Variants in DOCK5 observed in about 807,000 individuals in gnomAD.
DOCK5 encodes the protein dedicator of cytokinesis 5.
A neutral mutation model predicts 251.8 loss-of-function variants in DOCK5; 142 were observed. The observed-to-expected ratio is 0.56, with a 90% confidence interval of 0.49 to 0.65. The LOEUF is 0.65. Among genes scored for constraint, DOCK5 ranks in the 30% least tolerant of loss-of-function variants. DOCK5 has a pLI of 0.00. For synonymous variants in DOCK5, 842 were observed against 835.5 expected (o/e 1.01, Z -0.13); for missense variants, 2,111 against 2,312.3 (o/e 0.91, Z 1.79).
chr8:25,404,564 G>A (rs1029830328), intron 48 of DOCK5, among the ~76,000 whole-genome samples: 1 of 152,124 alleles, frequency 6.6e-6, no homozygotes, highest in Non-Finnish European at 1.5e-5. Flanking sequence ...ACATTTTGGA[G>A]CATTTTGGAT....
In DOCK5 at chr8:25,321,016, A is replaced by G. The variant is rs763441869; in HGVS notation, c.1579A>G (p.Ile527Val). The change falls in exon 16 of 52, where the codon ATA (isoleucine) becomes GTA (valine). Residue 527 changes from isoleucine (I) to valine (V), a missense_variant. Around this residue, in one of 3 missense-constraint regions of DOCK5, gnomAD observed 1,717 missense variants for 1,892.4 expected, o/e 0.91. Coordinates refer to ENST00000276440, the MANE Select transcript of DOCK5 (RefSeq NM_024940.8). ...TATAGAAGAAGTCACACGCTGTCAT[A>G]TAAGATTTACCTTCCGACACAGGTC... is the stretch of plus-strand genomic sequence containing the variant. ...IAIEEVTRCH[I>V]RFTFRHRSSQ... is the part of the protein sequence containing the mutation. 8.1e-6 allele frequency: 13 copies of G among 1,613,568 alleles called. No homozygotes were observed. The highest frequency in any genetic ancestry group is 8.0e-5 in the African/African-American group (6 of 74,952).
In DOCK5 at chr8:25,243,688, A is replaced by G; in HGVS notation, c.58A>G (p.Asn20Asp). 6.2e-7 allele frequency: 1 copy of G among 1,613,462 alleles called. No individual in the cohort carries two copies. Among genetic ancestry groups the G allele is most frequent in the Non-Finnish European group, 8.5e-7 (1 of 1,179,594 alleles). ...CTCATTTCCAGCGATCTATAACTAC[A>G]ATGCTTCTCAAGATGTGGAGCTCTC... is the stretch of plus-strand genomic sequence containing the variant. ...QKYGVAIYNY[N>D]ASQDVELSLQ... The change falls in exon 2 of 52, where the codon AAT (asparagine) becomes GAT (aspartate). Residue 20 changes from asparagine (N) to aspartate (D), a missense_variant. This residue lies in a region of DOCK5 where 335 missense variants were observed against 324.9 expected (regional missense o/e 1.03). Transcript: ENST00000276440.
chr8:25,381,730 C>G (rs1801071215), intron 39 of DOCK5, among the ~76,000 whole-genome samples: 1 of 152,168 alleles, frequency 6.6e-6, no homozygotes, highest in African/African-American at 2.4e-5. Context: ...AGACCATCAC[C>G]TAGATAGAAG....
At chr8:25,226,815 G>C (rs1457518425) in intron 1 of DOCK5, among the ~76,000 whole-genome samples, 1 of 152,000 alleles carries the variant, frequency 6.6e-6, no homozygotes, top group Non-Finnish European at 1.5e-5. Context: ...TCGATCTCCT[G>C]ACTTCGTGAT....
At chr8:25,354,655 A>G (rs937682489) in intron 27 of DOCK5, among the ~76,000 whole-genome samples, 4 of 152,210 alleles carry the variant, frequency 2.6e-5, no homozygotes, top group Admixed American at 6.5e-5. Flanking sequence ...TGAGGGGAAA[A>G]TGTACAGACA....
At chr8:25,246,744 G>T (rs1350283609) in intron 2 of DOCK5, among the ~76,000 whole-genome samples, 1 of 143,682 alleles carries the variant, frequency 7.0e-6, no homozygotes, top group Admixed American at 6.8e-5. Context: ...GTGTGTGTGT[G>T]TGTGTGTGTG....
chr8:25,371,416 T>C (rs4300012), intron 34 of DOCK5, among the ~76,000 whole-genome samples: 70,249 of 151,890 alleles, frequency 0.46, 16,483 homozygotes, highest in Middle Eastern at 0.54. Context: ...TGCAGTGAAC[T>C]GAGATTGCAC....
intron 45 of DOCK5, 101 bp from the exon 46 acceptor site, chr8:25,399,810 A>G (rs974280991): frequency 2.1e-5 from 17 of 815,930 alleles, no homozygotes; most frequent in Non-Finnish European, 3.2e-5. Context: ...TTAGTTAGAC[A>G]CATCTGGTTC....
At chr8:25,214,985 T>A (rs1802203575) in intron 1 of DOCK5, among the ~76,000 whole-genome samples, 1 of 152,216 alleles carries the variant, frequency 6.6e-6, no homozygotes, top group South Asian at 2.1e-4. Context: ...CCTATACTGC[T>A]GGCTGGACAT....
intron 46 of DOCK5, 81 bp from the exon 47 acceptor site, chr8:25,400,848 C>A: frequency 6.6e-7 from 1 of 1,522,622 alleles, no homozygotes; most frequent in Non-Finnish European, 9.0e-7. Flanking sequence ...CCTTTCCACC[C>A]CATCCCTCCC....
chr8:25,373,907 G>C lies in DOCK5; in HGVS notation c.3725+249G>C, dbSNP rs565563003. Among the ~76,000 whole-genome samples, 83 of 152,310 alleles carry C rather than the reference G, an allele frequency of 5.4e-4. 2 individuals carry two copies. In the South Asian group the frequency reaches 0.017, roughly 30 times the overall value. ...GAAGGATAGACAACTTCTGGCCTGG[G>C]TGGGCAGGAGAGGCTGTACAGGAAG... On this transcript the variant is annotated intron_variant, in intron 36 of 51. Transcript: ENST00000276440.
At chr8:25,318,441 T>TC (rs1805322082) in intron 14 of DOCK5, among the ~76,000 whole-genome samples, 2 of 151,628 alleles carry the variant, frequency 1.3e-5, no homozygotes, top group South Asian at 4.2e-4. Flanking sequence ...TCTTTTTTTT[T>TC]CTCTGTCTTT....
chr8:25,356,080 G>C (rs1203110282), intron 27 of DOCK5, among the ~76,000 whole-genome samples: 1 of 150,338 alleles, frequency 6.7e-6, no homozygotes. Context: ...CATGGCTGTA[G>C]TCCGAGCTAT....
At chr8:25,410,939 A>ATGTGTGTGTGTGTGTG (rs763758410) in intron 51 of DOCK5, among the ~76,000 whole-genome samples, 19 of 102,140 alleles carry the variant, frequency 1.9e-4, no homozygotes, top group African/African-American at 6.2e-4. Context: ...GAGAGAGAAA[A>ATGTGTGTGTGTGTGTG]TGTGTGTGTG....
intron 34 of DOCK5, among the ~76,000 whole-genome samples, chr8:25,370,506 T>C (rs2960176): frequency 0.51 from 76,807 of 151,640 alleles, 19,505 homozygotes; most frequent in East Asian, 0.59. Context: ...CAATTTGTTT[T>C]TGGTGTTTGT....
chr8:25,377,701 A>G, intron 38 of DOCK5, among the ~76,000 whole-genome samples: 1 of 152,130 alleles, frequency 6.6e-6, no homozygotes, highest in East Asian at 1.9e-4. Flanking sequence ...GTGAAGTGCT[A>G]TATTTAACCA....
chr8:25,371,078 G>A (rs1369762616), intron 34 of DOCK5, among the ~76,000 whole-genome samples: 1 of 152,166 alleles, frequency 6.6e-6, no homozygotes, highest in Admixed American at 6.5e-5. Flanking sequence ...GCTTGCCTCA[G>A]TCACTTAGTT....
At position 25,184,930 on chromosome 8, in the gene DOCK5, A is replaced by G; in HGVS notation, c.22A>G (p.Lys8Glu). ...CGCCATGGCCCGCTGGATCCCGACCAAGAGGCAGAAGTACGGGGTTGGTGA... is the reference window on the plus strand; with the variant it reads ...CGCCATGGCCCGCTGGATCCCGACCGAGAGGCAGAAGTACGGGGTTGGTGA... Reference protein sequence around the residue: MARWIPTKRQKYGVAIYN... With the variant: MARWIPTERQKYGVAIYN... The change falls in exon 1 of 52, where the codon AAG (lysine) becomes GAG (glutamate). Residue 8 changes from lysine to glutamate, a missense_variant. Lys to Glu is a moderately conservative substitution (Grantham distance 56). This residue lies in a region of DOCK5 where 335 missense variants were observed against 324.9 expected (regional missense o/e 1.03). Coordinates refer to ENST00000276440, the MANE Select transcript of DOCK5 (RefSeq NM_024940.8). The G allele has an allele frequency of 6.9e-7, 1 of 1,442,024 alleles. No individual in the cohort carries two copies. Among genetic ancestry groups the G allele is most frequent in the Non-Finnish European group, 9.2e-7 (1 of 1,088,182 alleles). 89.3% of individuals were successfully genotyped at this position (1,442,024 alleles called of 1,614,324 possible).
At chr8:25,284,514 A>G (rs1309116061) in intron 5 of DOCK5, among the ~76,000 whole-genome samples, 1 of 152,198 alleles carries the variant, frequency 6.6e-6, no homozygotes, top group Non-Finnish European at 1.5e-5. Context: ...CCAGCCCCGT[A>G]GTAACTTAAC....
Sources: gnomAD v4.1 joint callset for allele counts (sites outside exome capture counted in the v4.1 genomes callset) on GRCh38, gnomAD v4.1.1 for gene constraint, gnomAD v4.1.1 regional missense constraint, MANE v1.5 for transcripts, NCBI Gene and HGNC (gene_info 2026-07-23, HGNC 2026-07-21) for gene names.